RBCK1: variants seen among roughly 807,000 people sequenced by gnomAD.
RBCK1 encodes RANBP2-type and C3HC4-type zinc finger containing 1.
A neutral mutation model predicts 71.1 loss-of-function variants in RBCK1; 44 were observed. The observed-to-expected ratio is 0.62, with a 90% CI of 0.49 to 0.80. RBCK1 has a LOEUF of 0.80. Among genes scored for constraint, RBCK1 ranks in the 30% least tolerant of loss-of-function variants. The pLI is 0.00. For synonymous variants in RBCK1, 306 were observed against 279.7 expected, an observed-to-expected ratio of 1.09 and a Z score of -0.94; for missense variants, 569 against 685.0, an observed-to-expected ratio of 0.83 and a Z score of 1.89.
Position 420,921 on chromosome 20 carries a change from C to T in RBCK1, c.807C>T (p.Asp269=). The T allele has an allele frequency of 6.4e-7, 1 of 1,554,996 alleles. No homozygotes were observed. Among genetic ancestry groups the T allele is most frequent in the Non-Finnish European group, 8.7e-7 (1 of 1,151,144 alleles). Residue 269 remains aspartate (D), a synonymous_variant, in exon 7 of 12, where the codon GAC becomes GAT. Coordinates refer to ENST00000356286, the MANE Select transcript of RBCK1 (RefSeq NM_031229.4). The part of the protein sequence containing the change: ...EGNYLQHVQL[D]QRSLVLNTEP... ...ACTACCTGCAGCACGTCCAGCTGGA[C>T]CAGAGGAGCCTGGTGCTGAACACGG... is the stretch of plus-strand genomic sequence containing the variant.
intron 2 of RBCK1, chr20:410,588 G>A (rs2015647746): frequency 2.6e-6 from 2 of 779,256 alleles, no homozygotes; most frequent in East Asian, 4.8e-5. Flanking sequence ...TTCAGCTTGA[G>A]GGGAGACTGT....
At chr20:419,768 C>T (rs1013340178) in intron 6 of RBCK1, 37 bp downstream of exon 6, 18 of 1,523,528 alleles carry the variant, frequency 1.2e-5, no homozygotes, top group Non-Finnish European at 1.5e-5. Flanking sequence ...ACCTGCAGAC[C>T]GCACGGGGGA....
chr20:408,774 AG>A lies in RBCK1; in HGVS notation c.18del (p.Ala8GlnfsTer6). MDEKT[K>X]KAEEMALSLT... ...CCACGCCAGATGGACGAGAAGACCAAGAAAGGTGGGCACAGGCTGGAGGTGG... is the reference window on the plus strand; with the variant it reads ...CCACGCCAGATGGACGAGAAGACCAAAAAGGTGGGCACAGGCTGGAGGTGG... On this transcript the variant is annotated frameshift_variant, in exon 1 of 12. Transcript: ENST00000356286. LOFTEE classifies it high-confidence loss of function. The A allele has an allele frequency of 1.2e-6, 2 of 1,611,868 alleles. No individual in the cohort carries two copies. The highest frequency in any genetic ancestry group is 1.7e-6 in the Non-Finnish European group (2 of 1,179,190).
rs10706664 is a variant in RBCK1, at chr20:413,917, CAA to C, written c.168-3592_168-3591del. Among the ~76,000 whole-genome samples, 263 of 114,592 alleles carry C rather than the reference CAA, an allele frequency of 2.3e-3. No individual in the cohort carries two copies. The Middle Eastern group carries it at 0.029, about 12-fold the overall frequency. 75.2% of individuals were successfully genotyped at this position (114,592 alleles called of 152,430 possible). ...TTTAAAAAGATAAGAGACAAATCAC[CAA>C]AAAAAAAAAAAAAAAAGATTAACAC... On this transcript the variant is annotated intron_variant, in intron 2 of 11. Transcript: ENST00000356286.
chr20:432,024 A>G lies in RBCK1; in HGVS notation c.*1594A>G, dbSNP rs1468228879. 6.6e-6 allele frequency among the ~76,000 whole-genome samples: 1 copy of G among 152,244 alleles called. No homozygotes were observed. Among genetic ancestry groups the G allele is most frequent in the Admixed American group, 6.5e-5 (1 of 15,282 alleles). ...AGAGATTGTTCTCTTGTGGTACCAC[A>G]GGCTGTAACCAGTCCACCCAGTGTT... On this transcript the variant is annotated 3_prime_UTR_variant, in exon 12 of 12. Coordinates refer to ENST00000356286, the MANE Select transcript of RBCK1 (RefSeq NM_031229.4). This position sits in a 1 kb window ranked among gnomAD's most constrained non-coding sequence, Gnocchi z 4.3.
At position 419,881 on chromosome 20, in the gene RBCK1, G is replaced by A. The variant is rs867273008; in HGVS notation, c.756+150G>A. ...TGGCAGTGACCCTGCACCTGGCTGT[G>A]ACCCTGCACCTGGCTGTGACCTGCC... On this transcript the variant is annotated intron_variant, in intron 6 of 11. Transcript: ENST00000356286. 271 of 1,309,720 alleles carry A rather than the reference G, an allele frequency of 2.1e-4. 2 individuals carry two copies. The African/African-American group carries it at 4.1e-3, about 20-fold the overall frequency. 81.1% of individuals were successfully genotyped at this position (1,309,720 alleles called of 1,614,324 possible). A position where few individuals can be genotyped will look rare whatever the true frequency, so the allele number is the denominator to read the frequency against.
At chr20:420,778 A>G in intron 6 of RBCK1, 93 bp from the exon 7 acceptor site, 1 of 995,016 alleles carries the variant, frequency 1.0e-6, no homozygotes, top group South Asian at 1.5e-5. Flanking sequence ...GGTCTGACCC[A>G]GCCCTGACCA....
chr20:410,738 A>G, intron 2 of RBCK1: 1 of 404,316 alleles, frequency 2.5e-6, no homozygotes. Context: ...TTATGCACTC[A>G]ATAATAAACA....
chr20:428,477 C>T lies in RBCK1; in HGVS notation c.1210-14C>T, dbSNP rs1447309650. 1.3e-6 allele frequency: 2 copies of T among 1,584,580 alleles called. No individual in the cohort carries two copies. Among genetic ancestry groups the T allele is most frequent in the East Asian group, 2.3e-5 (1 of 43,994 alleles). On this transcript the variant is annotated splice_polypyrimidine_tract_variant and intron_variant, in intron 9 of 11. Transcript: ENST00000356286. The surrounding 1 kb of genome is among the most constrained non-coding windows in gnomAD (Gnocchi z 5.7). ...TGAGGAACCTTCTTACCTTGAGTCCCTCACCCGCTACAGGCCATCCATGAG... is the reference window on the plus strand; with the variant it reads ...TGAGGAACCTTCTTACCTTGAGTCCTTCACCCGCTACAGGCCATCCATGAG...
In RBCK1 at chr20:420,758, G is replaced by C. The variant is rs1202993407; in HGVS notation, c.757-113G>C. 8 of 356,396 alleles carry C rather than the reference G, an allele frequency of 2.2e-5. No individual in the cohort carries two copies. In the East Asian group the frequency reaches 4.1e-4, roughly 18 times the overall value. The allele number at this position is 356,396 out of a possible 1,614,324, so 22.1% of individuals were successfully genotyped here. ...CCCATCCCTACTGGCTCCCAGCTTT[G>C]CCTGTGGCTGGTCTGACCCAGCCCT... On this transcript the variant is annotated intron_variant, in intron 6 of 11. Coordinates refer to ENST00000356286, the MANE Select transcript of RBCK1 (RefSeq NM_031229.4).
At position 417,127 on chromosome 20, in the gene RBCK1, G is replaced by A. The variant is rs1005397534; in HGVS notation, c.168-399G>A. 2 of 463,622 alleles carry A rather than the reference G, an allele frequency of 4.3e-6. No individual in the cohort carries two copies. Among genetic ancestry groups the A allele is most frequent in the Non-Finnish European group, 4.5e-6 (1 of 222,780 alleles). 28.7% of individuals were successfully genotyped at this position (463,622 alleles called of 1,614,324 possible). A position where few individuals can be genotyped will look rare whatever the true frequency, so the allele number is the denominator to read the frequency against. On this transcript the variant is annotated intron_variant, in intron 2 of 11. Transcript: ENST00000356286. The surrounding 1 kb of genome is among the most constrained non-coding windows in gnomAD (Gnocchi z 4.7). Reference sequence around the variant, plus strand: ...GGATACAGCAGTACCTGTCTGATGGGTTGGTTGAGAGGATTAAATGAGTTA... The same window carrying A: ...GGATACAGCAGTACCTGTCTGATGGATTGGTTGAGAGGATTAAATGAGTTA...
intron 5 of RBCK1, 27 bp from the exon 6 acceptor site, chr20:419,531 C>T (rs2016237312): frequency 1.2e-6 from 2 of 1,605,656 alleles, no homozygotes; most frequent in Non-Finnish European, 1.7e-6. Context: ...CCTGCCCAGT[C>T]GGGCTCACAG....
intron 2 of RBCK1, among the ~76,000 whole-genome samples, chr20:413,232 C>A (rs544159284): frequency 2.0e-5 from 3 of 151,862 alleles, no homozygotes; most frequent in Admixed American, 2.0e-4. Context: ...AACTTTTGTT[C>A]TTTTTCAATA....
rs541688718 is a variant in RBCK1, at chr20:431,389, A to G, written c.*959A>G. Among the ~76,000 whole-genome samples, 1 of 152,298 alleles carries G rather than the reference A, an allele frequency of 6.6e-6. No individual in the cohort carries two copies. The highest frequency in any genetic ancestry group is 6.5e-5 in the Admixed American group (1 of 15,302). On this transcript the variant is annotated 3_prime_UTR_variant, in exon 12 of 12. Coordinates refer to ENST00000356286, the MANE Select transcript of RBCK1 (RefSeq NM_031229.4). The surrounding 1 kb of genome is among the most constrained non-coding windows in gnomAD (Gnocchi z 4.8). ...TTTCTCGTCTCAAGCAAGATGGCAC[A>G]GTATCGATTCAGCAGTATTTACTAG...
intron 1 of RBCK1, among the ~76,000 whole-genome samples, chr20:409,069 TG>T (rs2015543153): frequency 6.6e-6 from 1 of 152,190 alleles, no homozygotes; most frequent in Non-Finnish European, 1.5e-5. Flanking sequence ...AGACGTCAGT[TG>T]ACCTGAGAAG....
At chr20:410,590 G>A in intron 2 of RBCK1, 1 of 779,182 alleles carries the variant, frequency 1.3e-6, no homozygotes, top group Non-Finnish European at 2.4e-6. Flanking sequence ...CAGCTTGAGG[G>A]GAGACTGTAT....
chr20:417,696 C>T lies in RBCK1; in HGVS notation c.262-36C>T, dbSNP rs771489690. 10 of 1,605,158 alleles carry T rather than the reference C, an allele frequency of 6.2e-6. No individual in the cohort carries two copies. Among genetic ancestry groups the T allele is most frequent in the Admixed American group, 1.7e-5 (1 of 59,892 alleles). ...CCTGCTTCCTCTCTCTCCTCTGGCC[C>T]TCCCTTCCCACTCTCCCTCTCTTTG... On this transcript the variant is annotated intron_variant, in intron 3 of 11. Coordinates refer to ENST00000356286, the MANE Select transcript of RBCK1 (RefSeq NM_031229.4). The surrounding 1 kb of genome is among the most constrained non-coding windows in gnomAD (Gnocchi z 4.7).
intron 6 of RBCK1, chr20:420,555 T>A: frequency 1.0e-6 from 1 of 981,304 alleles, no homozygotes; most frequent in Non-Finnish European, 1.2e-6. Context: ...CTGCCATTGC[T>A]GTCTCACCTG....
At chr20:418,750 A>C (rs978916471) in intron 4 of RBCK1, among the ~76,000 whole-genome samples, 1 of 152,142 alleles carries the variant, frequency 6.6e-6, no homozygotes, top group Non-Finnish European at 1.5e-5. Flanking sequence ...TGCAGACATG[A>C]TGTCTCTTTC....
Sources: gnomAD v4.1 joint callset for allele counts (sites outside exome capture counted in the v4.1 genomes callset) on GRCh38, gnomAD v4.1.1 for gene constraint, Gnocchi (gnomAD v3.1) non-coding constraint, MANE v1.5 for transcripts, NCBI Gene and HGNC (gene_info 2026-07-23, HGNC 2026-07-21) for gene names.